The following LEPR variants were observed in gnomAD, a reference collection of about 807,000 sequenced individuals.
The protein encoded by LEPR is leptin receptor.
In LEPR, 56 loss-of-function variants were observed where a neutral mutation model predicts 114.7. The observed-to-expected ratio is 0.49, with a 90% confidence interval of 0.39 to 0.61. The LOEUF is 0.61. LEPR is among the 20% of genes least tolerant of loss of function. The pLI is 0.00. For synonymous variants in LEPR, 443 were observed against 461.4 expected (o/e 0.96, Z 0.51); for missense variants, 1,202 against 1,352.9 (o/e 0.89, Z 1.75).
At chr1:65,587,333 A>C (rs535290799) in intron 5 of LEPR, among the ~76,000 whole-genome samples, 62 of 152,158 alleles carry the variant, frequency 4.1e-4, no homozygotes, top group African/African-American at 1.5e-3. Context: ...AACACCTAAA[A>C]GGTCTGGCTT....
chr1:65,621,571 G>A, intron 18 of LEPR, 113 bp downstream of exon 18: 2 of 866,820 alleles, frequency 2.3e-6, no homozygotes, highest in Non-Finnish European at 3.7e-6. Context: ...GCTTTTATAT[G>A]TAGTCTGTAT....
Position 65,610,085 on chromosome 1 carries a change from A to G in LEPR, c.1891A>G (p.Thr631Ala). 1 of 1,614,220 alleles carries G rather than the reference A, an allele frequency of 6.2e-7. No individual in the cohort carries two copies. Among genetic ancestry groups the G allele is most frequent in the Non-Finnish European group, 8.5e-7 (1 of 1,180,026 alleles). The part of the protein sequence containing the change: ...YWSNWSNPAY[T>A]VVMDIKVPMR... ...GAGTAATTGGAGCAATCCAGCCTAC[A>G]CAGTTGTCATGGATATAAAAGGTCT... is the stretch of plus-strand genomic sequence containing the variant. Residue 631 changes from threonine to alanine, a missense_variant, in exon 13 of 20, where the codon ACA (threonine) becomes GCA (alanine). Coordinates refer to ENST00000349533, the MANE Select transcript of LEPR (RefSeq NM_002303.6).
intron 1 of LEPR, chr1:65,421,415 C>A (rs1439595562): frequency 4.6e-6 from 7 of 1,535,922 alleles, no homozygotes; most frequent in Non-Finnish European, 6.1e-6. Context: ...GGCTTCAGAG[C>A]AATGCGAGAC....
chr1:65,586,780 G>T lies in LEPR; in HGVS notation c.495-5877G>T, dbSNP rs114547512. Among the ~76,000 whole-genome samples, 390 of 152,092 alleles carry T rather than the reference G, an allele frequency of 2.6e-3. 4 individuals are homozygous for T. The highest frequency in any genetic ancestry group is 2.2e-3 in the Non-Finnish European group (149 of 67,926). ...TTGATGCTGATAGTGTCATGATGGG[G>T]TTAGCTGTTGGCATGGTTACAGAAA... On this transcript the variant is annotated intron_variant, in intron 5 of 19. Transcript: ENST00000349533.
intron 5 of LEPR, among the ~76,000 whole-genome samples, chr1:65,579,319 G>A (rs1332057015): frequency 6.6e-6 from 1 of 152,212 alleles, no homozygotes; most frequent in Non-Finnish European, 1.5e-5. Flanking sequence ...ATGAAATCAT[G>A]AGTTTGTTTC....
At chr1:65,460,081 T>A (rs1311449330) in intron 2 of LEPR, among the ~76,000 whole-genome samples, 3 of 152,006 alleles carry the variant, frequency 2.0e-5, no homozygotes, top group Non-Finnish European at 2.9e-5. Flanking sequence ...TACTATGTTC[T>A]TATCCACATA....
chr1:65,581,928 A>G (rs1349762007), intron 5 of LEPR, among the ~76,000 whole-genome samples: 1 of 152,212 alleles, frequency 6.6e-6, no homozygotes, highest in Non-Finnish European at 1.5e-5. Context: ...CCAGTTTCCA[A>G]TAAATTATCT....
Position 65,596,528 on chromosome 1 carries a change from T to A in LEPR, c.784T>A (p.Leu262Met), listed in dbSNP as rs756624810. Residue 262 changes from leucine to methionine, a missense_variant, in exon 7 of 20, where the codon TTG becomes ATG. Leu to Met is a conservative substitution (Grantham distance 15). Coordinates refer to ENST00000349533, the MANE Select transcript of LEPR (RefSeq NM_002303.6). ...NLKISWSSPP[L>M]VPFPLQYQVK... ...AAAGATTTCTTGGTCCAGCCCACCA[T>A]TGGTACCATTTCCACTTCAATATCA... The A allele has an allele frequency of 1.9e-6, 3 of 1,612,738 alleles. No homozygotes were observed. The highest frequency in any genetic ancestry group is 2.5e-6 in the Non-Finnish European group (3 of 1,179,246).
chr1:65,636,475 C>T lies in LEPR; in HGVS notation c.2958C>T (p.Tyr986=), dbSNP rs1805095. The change falls in exon 20 of 20, where the codon TAC becomes TAT. Residue 986 remains tyrosine (Y), a synonymous_variant. Coordinates refer to ENST00000349533, the MANE Select transcript of LEPR (RefSeq NM_002303.6). ...GCCAGAGACAACCCTTTGTTAAATA[C>T]GCCACGCTGATCAGCAACTCTAAAC... The part of the protein sequence containing the change: ...DESQRQPFVK[Y]ATLISNSKPS... 1,927 of 1,614,032 alleles carry T rather than the reference C, an allele frequency of 1.2e-3. 24 individuals carry two copies. The African/African-American group carries it at 0.022, about 19-fold the overall frequency.
At chr1:65,441,787 C>T (rs1646652728) in intron 2 of LEPR, among the ~76,000 whole-genome samples, 2 of 152,128 alleles carry the variant, frequency 1.3e-5, no homozygotes, top group African/African-American at 2.4e-5. Context: ...AAAACAGTGC[C>T]AGGGAGACCC....
intron 3 of LEPR, among the ~76,000 whole-genome samples, chr1:65,569,861 C>G (rs1379297160): frequency 6.6e-6 from 1 of 151,876 alleles, no homozygotes; most frequent in Non-Finnish European, 1.5e-5. Flanking sequence ...TCTTTTGCAT[C>G]ATTTTTTGTG....
intron 2 of LEPR, among the ~76,000 whole-genome samples, chr1:65,459,044 C>T (rs1477059303): frequency 1.3e-5 from 2 of 152,190 alleles, no homozygotes; most frequent in African/African-American, 2.4e-5. Flanking sequence ...GATGTAAATA[C>T]ACCTTTAGTG....
At chr1:65,528,518 TATC>T (rs1474587746) in intron 2 of LEPR, among the ~76,000 whole-genome samples, 1 of 152,086 alleles carries the variant, frequency 6.6e-6, no homozygotes, top group Non-Finnish European at 1.5e-5. Flanking sequence ...TATTACCTGT[TATC>T]ATCACACATA....
rs1646492492 is a variant in LEPR at position 65,432,037 on chromosome 1, T to G, written c.-21+6659T>G. On this transcript the variant is annotated intron_variant, in intron 2 of 19. Coordinates refer to ENST00000349533, the MANE Select transcript of LEPR (RefSeq NM_002303.6). ...TGCTGGGTTTTTTAATACCTTTATA[T>G]ATCATGTTCACTTTAAGAAAGACTT... 5 of 1,414,610 alleles carry G rather than the reference T, an allele frequency of 3.5e-6. No homozygotes were observed. In the Admixed American group the frequency reaches 1.2e-4, roughly 33 times the overall value. The allele number at this position is 1,414,610 out of a possible 1,614,324, so 87.6% of individuals were successfully genotyped here. A position where few individuals can be genotyped will look rare whatever the true frequency, so the allele number is the denominator to read the frequency against.
At chr1:65,463,159 A>C (rs1275803199) in intron 2 of LEPR, among the ~76,000 whole-genome samples, 2 of 151,992 alleles carry the variant, frequency 1.3e-5, no homozygotes, top group Admixed American at 1.3e-4. Context: ...ATCCATCTTG[A>C]GTTAATTTTT....
rs4655564 is a variant in LEPR, at chr1:65,617,854, G to A, written c.2213-110G>A. 0.2 allele frequency: 215,740 copies of A among 1,067,834 alleles called. 29,468 individuals are homozygous for A. The highest frequency in any genetic ancestry group is 0.75 in the East Asian group (28,105 of 37,404). The allele number at this position is 1,067,834 out of a possible 1,614,324, so 66.1% of individuals were successfully genotyped here. The stretch of plus-strand genomic sequence containing the variant: ...TGTATCATATTTATTTGTGTAAATT[G>A]TCTGTCTTCTCTTCCTTATTCCCTT... On this transcript the variant is annotated intron_variant, in intron 15 of 19. Coordinates refer to ENST00000349533, the MANE Select transcript of LEPR (RefSeq NM_002303.6).
At chr1:65,525,440 C>G (rs1434681326) in intron 2 of LEPR, among the ~76,000 whole-genome samples, 1 of 152,142 alleles carries the variant, frequency 6.6e-6, no homozygotes, top group African/African-American at 2.4e-5. Context: ...TCCCCAGCGC[C>G]GGGTCTCTCC....
At chr1:65,590,066 C>T (rs796443256) in intron 5 of LEPR, among the ~76,000 whole-genome samples, 1 of 151,822 alleles carries the variant, frequency 6.6e-6, no homozygotes, top group Non-Finnish European at 1.5e-5. Flanking sequence ...CAGTACATCT[C>T]TCATTTTAGT....
At chr1:65,472,819 T>A (rs1647104706) in intron 2 of LEPR, among the ~76,000 whole-genome samples, 1 of 152,156 alleles carries the variant, frequency 6.6e-6, no homozygotes, top group African/African-American at 2.4e-5. Flanking sequence ...AAGATGAGGA[T>A]GTCCCACTGC....
Sources: gnomAD v4.1 joint callset for allele counts (sites outside exome capture counted in the v4.1 genomes callset) on GRCh38, gnomAD v4.1.1 for gene constraint, MANE v1.5 for transcripts, NCBI Gene and HGNC (gene_info 2026-07-23, HGNC 2026-07-21) for gene names.